CDKAL1: variants seen among roughly 807,000 people sequenced by gnomAD.
CDKAL1 encodes threonylcarbamoyladenosine tRNA methylthiotransferase.
Under a neutral mutation model 68.2 loss-of-function variants are expected in CDKAL1, and 32 were observed. The ratio of observed to expected loss-of-function variants is 0.47; its 90% CI spans 0.35 to 0.63. CDKAL1 has a LOEUF of 0.63. CDKAL1 is among the 30% of genes least tolerant of loss of function. CDKAL1 has a pLI of 0.00. For missense variants in CDKAL1, 606 were observed against 696.7 expected (o/e 0.87, Z 1.47); for synonymous variants, 234 against 244.3 (o/e 0.96, Z 0.39).
intron 8 of CDKAL1, among the ~76,000 whole-genome samples, chr6:20,809,960 C>T (rs1776725426): frequency 6.6e-6 from 1 of 152,052 alleles, no homozygotes; most frequent in Admixed American, 6.6e-5. Context: ...AATGGAAAAA[C>T]AAGCATCAAG....
At chr6:20,880,006 G>A (rs1760730008) in intron 9 of CDKAL1, among the ~76,000 whole-genome samples, 1 of 152,158 alleles carries the variant, frequency 6.6e-6, no homozygotes. Flanking sequence ...AATTCTCTTA[G>A]AGGTTGGGGC....
intron 9 of CDKAL1, among the ~76,000 whole-genome samples, chr6:20,879,250 G>A (rs1393805874): frequency 6.6e-6 from 1 of 152,168 alleles, no homozygotes; most frequent in Non-Finnish European, 1.5e-5. Context: ...ACAAAGTCAG[G>A]CTGCCCCAAA....
chr6:21,202,107 T>C (rs546167526), intron 15 of CDKAL1, among the ~76,000 whole-genome samples: 25 of 152,286 alleles, frequency 1.6e-4, no homozygotes, highest in African/African-American at 5.8e-4. Flanking sequence ...ATAAAGGGAA[T>C]ACCGCTTCAC....
At chr6:21,180,139 C>T (rs925391735) in intron 13 of CDKAL1, among the ~76,000 whole-genome samples, 1 of 152,156 alleles carries the variant, frequency 6.6e-6, no homozygotes, top group Non-Finnish European at 1.5e-5. Flanking sequence ...GTCTACTCAC[C>T]CTGTAGGGTG....
chr6:21,188,978 G>A (rs1006510907), intron 13 of CDKAL1, among the ~76,000 whole-genome samples: 14 of 152,150 alleles, frequency 9.2e-5, no homozygotes, highest in African/African-American at 3.4e-4. Flanking sequence ...GCATCAGTGT[G>A]GCATTTCCTG....
intron 11 of CDKAL1, among the ~76,000 whole-genome samples, chr6:21,020,802 G>T (rs1430828594): frequency 6.8e-6 from 1 of 146,958 alleles, no homozygotes; most frequent in Non-Finnish European, 1.5e-5. Context: ...TAAGAGATAG[G>T]GTCTCATTAT....
At chr6:20,584,627 G>A (rs1765269825) in intron 4 of CDKAL1, among the ~76,000 whole-genome samples, 1 of 152,152 alleles carries the variant, frequency 6.6e-6, no homozygotes, top group Non-Finnish European at 1.5e-5. Context: ...CTTAAGCTGA[G>A]GTCCCTGGGT....
chr6:20,740,178 C>T (rs57498505), intron 6 of CDKAL1, among the ~76,000 whole-genome samples: 2 of 152,098 alleles, frequency 1.3e-5, no homozygotes, highest in Non-Finnish European at 2.9e-5. Context: ...TAGCCTCATG[C>T]GAATAGTTTT....
intron 9 of CDKAL1, among the ~76,000 whole-genome samples, chr6:20,851,753 A>G (rs921313518): frequency 2.6e-5 from 4 of 151,754 alleles, no homozygotes; most frequent in African/African-American, 9.7e-5. Context: ...AAGACTTGCA[A>G]AGATACTATC....
chr6:21,226,412 T>C (rs1436316335), intron 15 of CDKAL1, among the ~76,000 whole-genome samples: 2 of 152,086 alleles, frequency 1.3e-5, no homozygotes, highest in Non-Finnish European at 2.9e-5. Flanking sequence ...AGTTAGCAAG[T>C]AAGTAGATTT....
intron 10 of CDKAL1, among the ~76,000 whole-genome samples, chr6:20,997,343 A>G (rs912067515): frequency 6.6e-6 from 1 of 152,188 alleles, no homozygotes; most frequent in African/African-American, 2.4e-5. Context: ...AAGCAAAACA[A>G]AAAATACATA....
At chr6:21,092,196 C>T (rs1773066292) in intron 12 of CDKAL1, among the ~76,000 whole-genome samples, 2 of 105,090 alleles carry the variant, frequency 1.9e-5, no homozygotes, top group Non-Finnish European at 3.5e-5. Flanking sequence ...AGGCTCAGAA[C>T]TTTCAATCAG....
intron 9 of CDKAL1, among the ~76,000 whole-genome samples, chr6:20,857,073 A>C (rs1312864073): frequency 6.6e-6 from 1 of 152,126 alleles, no homozygotes; most frequent in Non-Finnish European, 1.5e-5. Context: ...AATGTTTGTT[A>C]GTGGGACCTT....
intron 9 of CDKAL1, among the ~76,000 whole-genome samples, chr6:20,939,891 T>C (rs1292455416): frequency 6.6e-6 from 1 of 152,214 alleles, no homozygotes. Context: ...TTACCTATTT[T>C]CTGTGTTTCT....
chr6:20,810,105 A>C (rs1270449503), intron 8 of CDKAL1, among the ~76,000 whole-genome samples: 2 of 152,072 alleles, frequency 1.3e-5, no homozygotes, highest in Non-Finnish European at 2.9e-5. Flanking sequence ...CCACAGTTTT[A>C]ACTCTTTTAA....
At chr6:20,597,525 A>C (rs1398904942) in intron 4 of CDKAL1, among the ~76,000 whole-genome samples, 1 of 152,058 alleles carries the variant, frequency 6.6e-6, no homozygotes, top group African/African-American at 2.4e-5. Context: ...AGTGATTCTC[A>C]TGCCTCAGCT....
chr6:20,559,042 C>G (rs1764169774), intron 4 of CDKAL1: 1 of 152,534 alleles, frequency 6.6e-6, no homozygotes, highest in African/African-American at 2.4e-5. Context: ...AAATGGAGCA[C>G]AGAAGTACTT....
intron 13 of CDKAL1, among the ~76,000 whole-genome samples, chr6:21,116,087 GC>G (rs1302206073): frequency 6.6e-6 from 1 of 152,004 alleles, no homozygotes; most frequent in Non-Finnish European, 1.5e-5. Context: ...ATACATTTTG[GC>G]CTAATTTTGA....
In CDKAL1 at chr6:21,145,469, A is replaced by G. The variant is rs1223239356; in HGVS notation, c.1299+37006A>G. ...CTAGTAACCCCTAGGTCAAGTGCCC[A>G]TCTTCACACACATCTCTTTTATTCC... On this transcript the variant is annotated intron_variant, in intron 13 of 15. Coordinates refer to ENST00000274695, the MANE Select transcript of CDKAL1 (RefSeq NM_017774.3). 5.3e-5 allele frequency among the ~76,000 whole-genome samples: 8 copies of G among 152,194 alleles called. No homozygotes were observed. In the East Asian group the frequency reaches 5.8e-4, roughly 11 times the overall value.
Sources: allele counts gnomAD v4.1 joint callset (sites outside exome capture counted in the v4.1 genomes callset), GRCh38; gene constraint gnomAD v4.1.1; transcripts MANE v1.5; gene names NCBI Gene and HGNC (gene_info 2026-07-23, HGNC 2026-07-21).